The following CLYBL variants were observed in gnomAD, a reference collection of about 807,000 sequenced individuals.
The protein encoded by CLYBL is citramalyl-CoA lyase.
Under a neutral mutation model 38.9 loss-of-function variants are expected in CLYBL, and 31 were observed. The observed-to-expected ratio is 0.80, with a 90% CI of 0.60 to 1.08. CLYBL has a LOEUF of 1.08. Among genes scored for constraint, CLYBL ranks in the 50% least tolerant of loss-of-function variants. The pLI is 0.00. For synonymous variants in CLYBL, 171 were observed against 158.6 expected (o/e 1.08, Z -0.59); for missense variants, 434 against 411.6 (o/e 1.05, Z -0.47).
intron 2 of CLYBL, among the ~76,000 whole-genome samples, chr13:99,797,560 T>TGG (rs2050046535): frequency 7.1e-6 from 1 of 141,708 alleles, no homozygotes; most frequent in Non-Finnish European, 1.5e-5. Context: ...TGTTAGCTGT[T>TGG]TGTGTGTGTG....
intron 3 of CLYBL, among the ~76,000 whole-genome samples, chr13:99,860,396 T>C (rs886868471): frequency 2.6e-5 from 4 of 152,190 alleles, no homozygotes; most frequent in African/African-American, 9.7e-5. Context: ...TGGATCCTTC[T>C]TGAAGACCCG....
At chr13:99,697,122 A>G (rs952655960) in intron 1 of CLYBL, among the ~76,000 whole-genome samples, 5 of 152,234 alleles carry the variant, frequency 3.3e-5, no homozygotes, top group African/African-American at 1.2e-4. Flanking sequence ...ATGACATTAC[A>G]AAACACATGG....
intron 2 of CLYBL, among the ~76,000 whole-genome samples, chr13:99,788,204 C>A (rs1270936018): frequency 6.6e-6 from 1 of 152,312 alleles, no homozygotes; most frequent in East Asian, 1.9e-4. Flanking sequence ...TTTCTCCTGC[C>A]TGATTGCCCT....
At chr13:99,741,731 C>T (rs1315554739) in intron 1 of CLYBL, among the ~76,000 whole-genome samples, 3 of 152,190 alleles carry the variant, frequency 2.0e-5, no homozygotes, top group Non-Finnish European at 4.4e-5. Context: ...CCTGCCTTGG[C>T]CTCCCAAAGT....
intron 5 of CLYBL, 75 bp from the exon 6 acceptor site, chr13:99,866,163 CTG>C (rs2051737050): frequency 2.2e-6 from 3 of 1,383,812 alleles, no homozygotes; most frequent in Non-Finnish European, 3.0e-6. Context: ...TCTGTACAAA[CTG>C]AGGTTTTATA....
At chr13:99,648,658 C>T (rs1219791387) in intron 1 of CLYBL, among the ~76,000 whole-genome samples, 1 of 152,156 alleles carries the variant, frequency 6.6e-6, no homozygotes. Context: ...ATGGATATTG[C>T]ACTGTTATCA....
At chr13:99,615,577 A>C (rs2046696428) in intron 1 of CLYBL, among the ~76,000 whole-genome samples, 3 of 152,262 alleles carry the variant, frequency 2.0e-5, no homozygotes, top group Admixed American at 1.3e-4. Context: ...TTAGGCAATA[A>C]ATAAGAAATC....
intron 1 of CLYBL, among the ~76,000 whole-genome samples, chr13:99,762,866 T>C (rs1470116211): frequency 6.6e-6 from 1 of 152,200 alleles, no homozygotes; most frequent in East Asian, 1.9e-4. Flanking sequence ...TAGTTTTCCT[T>C]GTAGAGAGAT....
chr13:99,724,352 T>C (rs2048437298), intron 1 of CLYBL, among the ~76,000 whole-genome samples: 1 of 152,222 alleles, frequency 6.6e-6, no homozygotes, highest in Non-Finnish European at 1.5e-5. Flanking sequence ...TGTTTGTTTC[T>C]GATTGTAAAA....
chr13:99,713,978 A>G lies in CLYBL; in HGVS notation c.63-58846A>G, dbSNP rs925597232. Among the ~76,000 whole-genome samples the G allele has an allele frequency of 2.1e-5, 3 of 140,244 alleles. 1 individual carries two copies. In the South Asian group the frequency reaches 6.7e-4, roughly 31 times the overall value. The allele number at this position is 140,244 out of a possible 152,430, so 92.0% of individuals were successfully genotyped here. A position where few individuals can be genotyped will look rare whatever the true frequency, so the allele number is the denominator to read the frequency against. Reference sequence around the variant, plus strand: ...AGGATTACAGGTGTGAGTACATGGCACCTGGCCGTGTTTGTTTGTTTGTTT... The same window carrying G: ...AGGATTACAGGTGTGAGTACATGGCGCCTGGCCGTGTTTGTTTGTTTGTTT... On this transcript the variant is annotated intron_variant, in intron 1 of 8. Transcript: ENST00000339105.
intron 2 of CLYBL, among the ~76,000 whole-genome samples, chr13:99,817,393 T>G (rs1431285722): frequency 6.6e-6 from 1 of 152,098 alleles, no homozygotes; most frequent in African/African-American, 2.4e-5. Context: ...GTGCAGTGGC[T>G]CACGCCTGTA....
chr13:99,639,947 A>C (rs962960985), intron 1 of CLYBL, among the ~76,000 whole-genome samples: 4 of 152,244 alleles, frequency 2.6e-5, no homozygotes, highest in Non-Finnish European at 5.9e-5. Context: ...TATATTTAGG[A>C]AATAGATAAT....
chr13:99,624,014 A>T (rs1337212227), intron 1 of CLYBL, among the ~76,000 whole-genome samples: 2 of 151,808 alleles, frequency 1.3e-5, no homozygotes, highest in Non-Finnish European at 2.9e-5. Flanking sequence ...TATGGCGTGT[A>T]TGTAGTTCAT....
intron 1 of CLYBL, among the ~76,000 whole-genome samples, chr13:99,645,506 A>G (rs1307270700): frequency 1.3e-5 from 2 of 151,600 alleles, no homozygotes; most frequent in Non-Finnish European, 2.9e-5. Context: ...TCAAAAAAAA[A>G]AAAAAAAAAA....
intron 5 of CLYBL, 123 bp from the exon 6 acceptor site, chr13:99,866,116 AT>A: frequency 1.1e-6 from 1 of 926,784 alleles, no homozygotes. Context: ...CAATAATTTT[AT>A]TTTGCGGAGG....
At chr13:99,807,969 G>T (rs1375960133) in intron 2 of CLYBL, among the ~76,000 whole-genome samples, 1 of 152,290 alleles carries the variant, frequency 6.6e-6, no homozygotes, top group South Asian at 2.1e-4. Context: ...ATAGATTGTA[G>T]TTTAGACCCA....
chr13:99,777,822 T>TTTACA (rs2049555340), intron 2 of CLYBL, among the ~76,000 whole-genome samples: 1 of 152,226 alleles, frequency 6.6e-6, no homozygotes, highest in Admixed American at 6.5e-5. Flanking sequence ...TATATTGTTA[T>TTTACA]TTACATACCT....
chr13:99,909,137 A>G (rs2152140472), exon 10 of CLYBL, among the ~76,000 whole-genome samples: 1 of 152,378 alleles, frequency 6.6e-6, no homozygotes, highest in South Asian at 2.1e-4. Context: ...CATGAAGCAA[A>G]GAAGGCACAA....
chr13:99,781,666 G>A (rs1432961061), intron 2 of CLYBL, among the ~76,000 whole-genome samples: 1 of 151,660 alleles, frequency 6.6e-6, no homozygotes, highest in Non-Finnish European at 1.5e-5. Flanking sequence ...TAGTAGAGAT[G>A]GGGGTTTCAT....
Sources: allele counts gnomAD v4.1 joint callset (sites outside exome capture counted in the v4.1 genomes callset), GRCh38; gene constraint gnomAD v4.1.1; transcripts MANE v1.5; gene names NCBI Gene and HGNC (gene_info 2026-07-23, HGNC 2026-07-21).